The following TRPM1 variants were observed in gnomAD, a reference collection of about 807,000 sequenced individuals.
TRPM1 encodes TRPM1-203 APA Isoform, Intron 10.
A neutral mutation model predicts 149.4 loss-of-function variants in TRPM1; 113 were observed. The ratio of observed to expected loss-of-function variants is 0.76; its 90% CI spans 0.65 to 0.88. The LOEUF (loss-of-function observed/expected upper bound fraction) is 0.88. Among genes scored for constraint, TRPM1 ranks in the 40% least tolerant of loss-of-function variants. TRPM1 has a pLI of 0.00. For missense variants in TRPM1, 1,976 were observed against 2,038.7 expected, an observed-to-expected ratio of 0.97 and a Z score of 0.59; for synonymous variants, 741 against 759.5, an observed-to-expected ratio of 0.98 and a Z score of 0.40.
intron 11 of TRPM1, among the ~76,000 whole-genome samples, chr15:31,051,832 A>G (rs1416499716): frequency 6.6e-6 from 1 of 152,074 alleles, no homozygotes; most frequent in Non-Finnish European, 1.5e-5. Context: ...CTTATGTCCC[A>G]AACCACTCTC....
At chr15:31,032,274 A>C (rs2033120856) in intron 22 of TRPM1, among the ~76,000 whole-genome samples, 1 of 152,142 alleles carries the variant, frequency 6.6e-6, no homozygotes, top group African/African-American at 2.4e-5. Context: ...TAGACTCATT[A>C]ATAATAAATC....
At chr15:31,073,859 G>A (rs769284957) in intron 3 of TRPM1, among the ~76,000 whole-genome samples, 4 of 151,904 alleles carry the variant, frequency 2.6e-5, no homozygotes, top group African/African-American at 4.8e-5. Context: ...GTTCTTTATC[G>A]GGTTGAGGAA....
chr15:31,048,198 T>G (rs562494898), intron 13 of TRPM1, among the ~76,000 whole-genome samples: 1 of 152,238 alleles, frequency 6.6e-6, no homozygotes, highest in African/African-American at 2.4e-5. Flanking sequence ...GGGAGGCAGC[T>G]GCAGTGAGCT....
chr15:31,059,064 C>T (rs2140951371), intron 11 of TRPM1, among the ~76,000 whole-genome samples: 1 of 152,200 alleles, frequency 6.6e-6, no homozygotes, highest in South Asian at 2.1e-4. Context: ...GCCTGGGCAA[C>T]AGAGTGAGAC....
intron 1 of TRPM1, among the ~76,000 whole-genome samples, chr15:31,156,999 C>A (rs1398670795): frequency 2.0e-5 from 3 of 151,538 alleles, no homozygotes; most frequent in South Asian, 4.2e-4. Context: ...GCATCCTTGA[C>A]CTCCTTGGGC....
chr15:31,089,027 A>G (rs552939319), intron 1 of TRPM1, among the ~76,000 whole-genome samples: 1 of 152,334 alleles, frequency 6.6e-6, no homozygotes, highest in South Asian at 2.1e-4. Flanking sequence ...TGAGGCACTC[A>G]AATGGGGGTA....
chr15:31,053,759 T>C (rs1241865749), intron 11 of TRPM1, among the ~76,000 whole-genome samples: 1 of 152,204 alleles, frequency 6.6e-6, no homozygotes, highest in African/African-American at 2.4e-5. Flanking sequence ...CCAAAAGAAC[T>C]GAAAGCAAGT....
At position 31,109,333 on chromosome 15, in the gene TRPM1, CAAAAAAAA is replaced by C. The variant is rs36072024; in HGVS notation, c.55-32357_55-32350del. On this transcript the variant is annotated intron_variant, in intron 1 of 26. Coordinates refer to the TRPM1 transcript ENST00000542188. ...TGGGCAACAGAGTGAGACTCTGCCT[CAAAAAAAA>C]AAAAAAAAAAAAAAAAAAAAGATAA... Among the ~76,000 whole-genome samples the C allele has an allele frequency of 9.4e-3, 305 of 32,298 alleles. 3 individuals are homozygous for C. Among genetic ancestry groups the C allele is most frequent in the African/African-American group, 0.027 (284 of 10,472 alleles). The allele number at this position is 32,298 out of a possible 152,430, so 21.2% of individuals were successfully genotyped here. A position where few individuals can be genotyped will look rare whatever the true frequency, so the allele number is the denominator to read the frequency against.
intron 1 of TRPM1, among the ~76,000 whole-genome samples, chr15:31,085,210 C>G (rs1325348581): frequency 1.3e-5 from 2 of 152,118 alleles, no homozygotes; most frequent in Non-Finnish European, 2.9e-5. Flanking sequence ...TACCAGGGTG[C>G]CTCAGTCCAA....
chr15:31,015,061 G>T (rs2032311882), intron 27 of TRPM1, among the ~76,000 whole-genome samples: 1 of 152,240 alleles, frequency 6.6e-6, no homozygotes, highest in Non-Finnish European at 1.5e-5. Flanking sequence ...AAACAGATGA[G>T]ATTATAAGCA....
intron 1 of TRPM1, among the ~76,000 whole-genome samples, chr15:31,144,977 A>G (rs2036206690): frequency 6.6e-6 from 1 of 151,998 alleles, no homozygotes; most frequent in South Asian, 2.1e-4. Flanking sequence ...CAGCCTCCCA[A>G]AGTGCTGAGA....
At chr15:31,029,293 T>C in intron 24 of TRPM1, 78 bp downstream of exon 24, 1 of 1,430,874 alleles carries the variant, frequency 7.0e-7, no homozygotes, top group Non-Finnish European at 9.9e-7. Context: ...AGTTTAAGAC[T>C]ACTAGTAATC....
chr15:31,041,924 G>T (rs1207758989), intron 17 of TRPM1, 27 bp downstream of exon 17: 2 of 1,613,608 alleles, frequency 1.2e-6, no homozygotes, highest in Non-Finnish European at 1.7e-6. Context: ...ATCTCTCCTG[G>T]CCTTTAAATC....
intron 1 of TRPM1, among the ~76,000 whole-genome samples, chr15:31,150,324 TC>T (rs2036282850): frequency 6.6e-6 from 1 of 152,098 alleles, no homozygotes; most frequent in African/African-American, 2.4e-5. Context: ...AGGCTGGCGT[TC>T]CCAGGTGCAT....
intron 22 of TRPM1, 102 bp from the exon 23 acceptor site, chr15:31,031,259 T>A: frequency 7.7e-7 from 1 of 1,296,740 alleles, no homozygotes; most frequent in Non-Finnish European, 1.1e-6. Context: ...CACGAGTGCT[T>A]AATTAGGACG....
chr15:31,041,965 C>T lies in TRPM1; in HGVS notation c.2073G>A (p.Leu691=). The T allele has an allele frequency of 6.2e-7, 1 of 1,614,106 alleles. No homozygotes were observed. The highest frequency in any genetic ancestry group is 1.3e-5 in the African/African-American group (1 of 75,016). Residue 691 remains leucine (L), a synonymous_variant, in exon 17 of 28, where the codon TTG becomes TTA. Transcript: ENST00000256552. The part of the protein sequence containing the change: ...SDLVDDISQD[L]DNNSKDFGQL... ...TAGACACTAACTTGGAATTGTTATCCAAGTCCTGGGAGATGTCATCCACCA... is the reference window on the plus strand; with the variant it reads ...TAGACACTAACTTGGAATTGTTATCTAAGTCCTGGGAGATGTCATCCACCA...
rs1205043764 is a variant in TRPM1, at chr15:31,047,263, G to A, written c.1624-12C>T. On this transcript the variant is annotated splice_polypyrimidine_tract_variant and intron_variant, in intron 14 of 27. Transcript: ENST00000256552. ...GGCGGAAGGTTGCTCTGTAAAAGAA[G>A]TCTGGTCTCAGGCCCTGTGAGAATG... The A allele has an allele frequency of 6.2e-7, 1 of 1,614,226 alleles. No individual in the cohort carries two copies. The highest frequency in any genetic ancestry group is 1.7e-5 in the Admixed American group (1 of 60,030).
chr15:31,047,416 C>G (rs925354006), intron 14 of TRPM1, among the ~76,000 whole-genome samples, 165 bp from the exon 15 acceptor site: 3 of 152,164 alleles, frequency 2.0e-5, no homozygotes, highest in African/African-American at 7.2e-5. Context: ...AAGCATCTAT[C>G]CCTTGATAAC....
chr15:31,114,248 T>G lies in TRPM1; in HGVS notation c.55-37264A>C, dbSNP rs1272544378. On this transcript the variant is annotated intron_variant, in intron 1 of 26. Coordinates refer to the TRPM1 transcript ENST00000542188. Reference sequence around the variant, plus strand: ...AGTGTTCTCATCATTTAGCTCCCATTTATAAGTGAGGACATGTGGTATTTG... The same window carrying G: ...AGTGTTCTCATCATTTAGCTCCCATGTATAAGTGAGGACATGTGGTATTTG... 2.6e-5 allele frequency among the ~76,000 whole-genome samples: 4 copies of G among 152,204 alleles called. No individual in the cohort carries two copies. In the East Asian group the frequency reaches 7.7e-4, roughly 29 times the overall value.
Sources: gnomAD v4.1 joint callset for allele counts (sites outside exome capture counted in the v4.1 genomes callset) on GRCh38, gnomAD v4.1.1 for gene constraint, MANE v1.5 for transcripts, NCBI Gene and HGNC (gene_info 2026-07-23, HGNC 2026-07-21) for gene names.